MAST4: variants seen among roughly 807,000 people sequenced by gnomAD.
MAST4 encodes the protein microtubule-associated serine/threonine-protein kinase 4.
A neutral mutation model predicts 162.7 loss-of-function variants in MAST4; 89 were observed. The observed-to-expected ratio is 0.55, with a 90% CI of 0.46 to 0.65. The LOEUF (loss-of-function observed/expected upper bound fraction) is 0.65. MAST4 is among the 30% of genes least tolerant of loss of function. The pLI, the probability that MAST4 is intolerant of heterozygous loss-of-function variation, is 0.00. For synonymous variants in MAST4, 1,479 were observed against 1,361.1 expected (o/e 1.09, Z -1.91); for missense variants, 3,153 against 3,374.0 (o/e 0.93, Z 1.62).
intron 3 of MAST4, among the ~76,000 whole-genome samples, chr5:66,793,456 C>T (rs911360883): frequency 1.4e-4 from 22 of 152,140 alleles, no homozygotes; most frequent in South Asian, 8.3e-4. Flanking sequence ...AAGTCATAGT[C>T]GTCAAAAGCC....
At chr5:67,009,622 G>A (rs706702) in intron 4 of MAST4, among the ~76,000 whole-genome samples, 88,228 of 152,154 alleles carry the variant, frequency 0.58, 25,773 homozygotes, top group East Asian at 0.72. Flanking sequence ...TGACTGGCAT[G>A]TAAAAATTCT....
At chr5:66,706,177 C>T (rs1358946088) in intron 1 of MAST4, among the ~76,000 whole-genome samples, 1 of 152,164 alleles carries the variant, frequency 6.6e-6, no homozygotes, top group African/African-American at 2.4e-5. Flanking sequence ...AGGGATATAT[C>T]TTTAAGAAAT....
At chr5:66,876,177 A>G (rs992465901) in intron 3 of MAST4, among the ~76,000 whole-genome samples, 8 of 152,182 alleles carry the variant, frequency 5.3e-5, no homozygotes, top group African/African-American at 1.9e-4. Context: ...GTGTCGTTTA[A>G]CTGGCAAAAA....
intron 1 of MAST4, among the ~76,000 whole-genome samples, chr5:66,607,113 C>G (rs748308344): frequency 3.9e-5 from 6 of 152,128 alleles, no homozygotes; most frequent in Admixed American, 6.5e-5. Context: ...TAGGGAGATA[C>G]TGGGACAAGG....
In MAST4 at chr5:67,165,767, T is replaced by G. The variant is rs955075007; in HGVS notation, c.6588T>G (p.Pro2196=). The part of the protein sequence containing the change: ...HSESSSHKPR[P]GPDPGPPKTK... Reference sequence around the variant, plus strand: ...AAAGCAGCAGCCACAAGCCCCGGCCTGGCCCTGACCCGGGCCCTCCAAAGA... The same window carrying G: ...AAAGCAGCAGCCACAAGCCCCGGCCGGGCCCTGACCCGGGCCCTCCAAAGA... Residue 2196 remains proline (P), a synonymous_variant, in exon 29 of 29, where the codon CCT becomes CCG. Coordinates refer to ENST00000403625, the MANE Select transcript of MAST4 (RefSeq NM_001164664.2). 1.2e-6 allele frequency: 2 copies of G among 1,600,446 alleles called. No homozygotes were observed. Among genetic ancestry groups the G allele is most frequent in the African/African-American group, 2.7e-5 (2 of 74,522 alleles).
At chr5:66,907,176 A>C (rs1160296299) in intron 4 of MAST4, among the ~76,000 whole-genome samples, 1 of 143,344 alleles carries the variant, frequency 7.0e-6, no homozygotes, top group African/African-American at 2.7e-5. Context: ...AGAGAGAGAG[A>C]GAGAGAGAGA....
At position 66,929,983 on chromosome 5, in the gene MAST4, C is replaced by T. The variant is rs528333902; in HGVS notation, c.674+30001C>T. Among the ~76,000 whole-genome samples the T allele has an allele frequency of 7.2e-5, 11 of 152,306 alleles. No homozygotes were observed. In the East Asian group the frequency reaches 1.9e-3, roughly 27 times the overall value. ...TCCCAGTTATCTGCAGCCAATTCTACCTCATACAGAGACCTTTCCATAGGA... is the reference window on the plus strand; with the variant it reads ...TCCCAGTTATCTGCAGCCAATTCTATCTCATACAGAGACCTTTCCATAGGA... On this transcript the variant is annotated intron_variant, in intron 4 of 28. Coordinates refer to ENST00000403625, the MANE Select transcript of MAST4 (RefSeq NM_001164664.2).
intron 3 of MAST4, among the ~76,000 whole-genome samples, chr5:66,843,833 C>T (rs1038798283): frequency 3.9e-5 from 6 of 152,102 alleles, no homozygotes; most frequent in African/African-American, 1.2e-4. Context: ...ATTAGCGGCT[C>T]ATACTTGGAG....
At chr5:66,700,797 A>G (rs1350320737) in intron 1 of MAST4, among the ~76,000 whole-genome samples, 3 of 108,812 alleles carry the variant, frequency 2.8e-5, no homozygotes, top group Non-Finnish European at 1.9e-5. Context: ...ATATATATAT[A>G]TATACACACA....
intron 3 of MAST4, among the ~76,000 whole-genome samples, chr5:66,859,400 G>C (rs1210670609): frequency 7.2e-5 from 11 of 151,948 alleles, no homozygotes. Flanking sequence ...TGTTGGTGTT[G>C]GTATTTTAAT....
At chr5:66,721,622 A>G (rs1159080892) in intron 1 of MAST4, among the ~76,000 whole-genome samples, 1 of 150,398 alleles carries the variant, frequency 6.6e-6, no homozygotes. Context: ...GTGATCTAGT[A>G]TAATGGCCAC....
At chr5:66,828,993 A>T in intron 3 of MAST4, 1 of 893,340 alleles carries the variant, frequency 1.1e-6, no homozygotes, top group Non-Finnish European at 1.8e-6. Context: ...CATAATTCTT[A>T]GTATCTACAT....
chr5:66,929,905 C>A (rs1000749882), intron 4 of MAST4, among the ~76,000 whole-genome samples: 26 of 152,196 alleles, frequency 1.7e-4, no homozygotes, highest in African/African-American at 6.0e-4. Flanking sequence ...TGCTTCTGAA[C>A]TTCTTTTACC....
intron 3 of MAST4, among the ~76,000 whole-genome samples, chr5:66,847,778 G>A (rs750523809): frequency 1.6e-5 from 2 of 125,922 alleles, no homozygotes; most frequent in African/African-American, 3.0e-5. Context: ...CTGAGATTGT[G>A]CCACTACTCT....
At chr5:66,651,021 A>T (rs537991916) in intron 1 of MAST4, among the ~76,000 whole-genome samples, 1 of 152,296 alleles carries the variant, frequency 6.6e-6, no homozygotes, top group East Asian at 1.9e-4. Context: ...GGGGCCAGTG[A>T]TTCAGTGAAT....
At chr5:66,954,639 A>C (rs927996750) in intron 4 of MAST4, among the ~76,000 whole-genome samples, 2 of 152,118 alleles carry the variant, frequency 1.3e-5, no homozygotes, top group Non-Finnish European at 2.9e-5. Context: ...GGTGTCTCAC[A>C]CATGTGATCC....
chr5:67,020,701 A>G (rs976671193), intron 4 of MAST4, among the ~76,000 whole-genome samples: 15 of 152,334 alleles, frequency 9.8e-5, no homozygotes, highest in Middle Eastern at 3.4e-3. Context: ...TAGACTTGTG[A>G]CCTTGGCAGG....
At chr5:67,126,946 AG>A (rs1768314116) in intron 14 of MAST4, among the ~76,000 whole-genome samples, 1 of 152,190 alleles carries the variant, frequency 6.6e-6, no homozygotes, top group Non-Finnish European at 1.5e-5. Flanking sequence ...TTCTCCTTGA[AG>A]AGTTCCTTTA....
intron 4 of MAST4, among the ~76,000 whole-genome samples, chr5:66,902,918 C>T (rs895529502): frequency 5.9e-5 from 9 of 152,152 alleles, no homozygotes; most frequent in African/African-American, 2.2e-4. Context: ...TCCTATCCCC[C>T]TCCTTCCAGC....
Sources: gnomAD v4.1 joint callset for allele counts (sites outside exome capture counted in the v4.1 genomes callset) on GRCh38, gnomAD v4.1.1 for gene constraint, MANE v1.5 for transcripts, NCBI Gene and HGNC (gene_info 2026-07-23, HGNC 2026-07-21) for gene names.